The following TELO2 variants were observed in gnomAD, a reference collection of about 807,000 sequenced individuals.
TELO2 encodes the protein telomere maintenance 2.
In TELO2, 71 loss-of-function variants were observed where a neutral mutation model predicts 91.0. The ratio of observed to expected loss-of-function variants is 0.78; its 90% confidence interval spans 0.64 to 0.95. The LOEUF (loss-of-function observed/expected upper bound fraction) is 0.95. Among genes scored for constraint, TELO2 ranks in the 40% least tolerant of loss-of-function variants. The pLI, the probability that TELO2 is intolerant of heterozygous loss-of-function variation, is 0.00. For synonymous variants in TELO2, 584 were observed against 518.9 expected (o/e 1.13, Z -1.71); for missense variants, 1,183 against 1,141.3 (o/e 1.04, Z -0.53).
chr16:1,502,523 C>G, intron 13 of TELO2, 119 bp downstream of exon 13: 1 of 1,503,574 alleles, frequency 6.7e-7, no homozygotes, highest in South Asian at 1.2e-5. Flanking sequence ...TGCTGCCTCT[C>G]CCGGGGGGCC....
In TELO2 at chr16:1,494,590, G is replaced by A; in HGVS notation, c.309G>A (p.Leu103=). 6.2e-7 allele frequency: 1 copy of A among 1,613,368 alleles called. No homozygotes were observed. Among genetic ancestry groups the A allele is most frequent in the Non-Finnish European group, 8.5e-7 (1 of 1,179,810 alleles). ...CGGCGGACCAAGCCTTCCTGGTGTT[G>A]ATGGAGACCATCGAGGGTGCTGCGG... ...EGPADQAFLV[L]METIEGAAGP... Residue 103 remains leucine (L), a synonymous_variant, in exon 2 of 21, where the codon TTG becomes TTA. Coordinates refer to ENST00000262319, the MANE Select transcript of TELO2 (RefSeq NM_016111.4). This position sits in a 1 kb window ranked among gnomAD's most constrained non-coding sequence, Gnocchi z 5.6.
chr16:1,500,324 G>A (rs1479829161), intron 7 of TELO2, 23 bp from the exon 8 acceptor site: 1 of 1,565,692 alleles, frequency 6.4e-7, no homozygotes, highest in East Asian at 2.3e-5. Flanking sequence ...GCCCCACACA[G>A]TCGTGGGCCA....
At chr16:1,508,245 G>A (rs1017015659) in intron 20 of TELO2, among the ~76,000 whole-genome samples, 5 of 152,166 alleles carry the variant, frequency 3.3e-5, no homozygotes, top group South Asian at 2.1e-4. Context: ...CAATTCTCCC[G>A]CCTCAGCCTC....
intron 2 of TELO2, among the ~76,000 whole-genome samples, chr16:1,495,111 T>C (rs535694949): frequency 6.6e-6 from 1 of 152,260 alleles, no homozygotes; most frequent in East Asian, 1.9e-4. Flanking sequence ...GGGAGGGGTG[T>C]CCAGTGAGAC....
intron 20 of TELO2, 27 bp downstream of exon 20, chr16:1,507,743 T>A: frequency 1.9e-6 from 3 of 1,582,936 alleles, no homozygotes; most frequent in Non-Finnish European, 2.6e-6. Context: ...GGTGTGTGTG[T>A]GAGATGTGTG....
At chr16:1,508,436 C>T (rs915585849) in intron 20 of TELO2, among the ~76,000 whole-genome samples, 2 of 152,234 alleles carry the variant, frequency 1.3e-5, no homozygotes, top group African/African-American at 4.8e-5. Flanking sequence ...CGGCCAGTCC[C>T]AGCACCTTTT....
intron 20 of TELO2, 68 bp downstream of exon 20, chr16:1,507,784 G>T: frequency 1.5e-6 from 2 of 1,294,692 alleles, no homozygotes; most frequent in Non-Finnish European, 2.1e-6. Flanking sequence ...ATGTGTGTGT[G>T]TGTGTGTGAG....
In TELO2 at chr16:1,504,429, A is replaced by G. The variant is rs1471434405; in HGVS notation, c.1843-981A>G. ...AGACTGGGCGACAGAGCGAGACTCC[A>G]TCTCAAAAAAAAAAAAAAAAAAAAA... is the stretch of plus-strand genomic sequence containing the variant. On this transcript the variant is annotated intron_variant, in intron 15 of 20. Coordinates refer to ENST00000262319, the MANE Select transcript of TELO2 (RefSeq NM_016111.4). Among the ~76,000 whole-genome samples the G allele has an allele frequency of 9.7e-5, 8 of 82,404 alleles. No homozygotes were observed. In the South Asian group the frequency reaches 3.4e-3, roughly 35 times the overall value. 54.1% of individuals were successfully genotyped at this position (82,404 alleles called of 152,430 possible).
chr16:1,509,796 T>C, intron 20 of TELO2, 34 bp from the exon 21 acceptor site: 2 of 1,582,316 alleles, frequency 1.3e-6, no homozygotes, highest in Non-Finnish European at 1.7e-6. Flanking sequence ...CCCTCCACGC[T>C]GCCTCAGCTT....
chr16:1,503,756 C>CA (rs1240162081), intron 15 of TELO2, among the ~76,000 whole-genome samples: 1 of 152,224 alleles, frequency 6.6e-6, no homozygotes, highest in Admixed American at 6.5e-5. Flanking sequence ...CTTGGGAAGG[C>CA]AAAAGAGTTC....
At chr16:1,502,017 G>T (rs1387991632) in intron 11 of TELO2, 30 bp from the exon 12 acceptor site, 1 of 1,612,906 alleles carries the variant, frequency 6.2e-7, no homozygotes, top group South Asian at 1.1e-5. Context: ...CAGGCCATGG[G>T]CTGCTCATGT....
At chr16:1,495,917 G>A (rs2039474789) in intron 3 of TELO2, among the ~76,000 whole-genome samples, 1 of 152,220 alleles carries the variant, frequency 6.6e-6, no homozygotes, top group Non-Finnish European at 1.5e-5. Context: ...AGGTCTGGAG[G>A]CAGACGCTGG....
At chr16:1,507,989 C>G (rs902409107) in intron 20 of TELO2, among the ~76,000 whole-genome samples, 1 of 151,886 alleles carries the variant, frequency 6.6e-6, no homozygotes, top group Admixed American at 6.6e-5. Context: ...CCCACACAGG[C>G]AGAGTGTGCA....
rs907336015 is a variant in TELO2 at position 1,500,161 on chromosome 16, G to A, written c.999G>A (p.Leu333=). The change falls in exon 7 of 21, where the codon CTG becomes CTA. Residue 333 remains leucine, a synonymous_variant. Coordinates refer to ENST00000262319, the MANE Select transcript of TELO2 (RefSeq NM_016111.4). ...ACAGCCAGCGGCGCCCGCTCCTGCT[G>A]CAGGTACGTGCCTCCTGGCTCTCCG... ...AMDSQRRPLL[L]QVLKELLETW... is the part of the protein sequence containing the mutation. The A allele has an allele frequency of 2.6e-5, 41 of 1,603,138 alleles. No individual in the cohort carries two copies. Among genetic ancestry groups the A allele is most frequent in the Non-Finnish European group, 3.4e-5 (40 of 1,178,246 alleles).
rs769977740 is a variant in TELO2 at position 1,494,568 on chromosome 16, C to A, written c.287C>A (p.Ala96Glu). 1.2e-6 allele frequency: 2 copies of A among 1,613,468 alleles called. No homozygotes were observed. The highest frequency in any genetic ancestry group is 1.1e-5 in the South Asian group (1 of 91,066). ...GCCAGCTTCTTCCTGGAGGGCCCGG[C>A]GGACCAAGCCTTCCTGGTGTTGATG... ...LWASFFLEGP[A>E]DQAFLVLMET... Residue 96 changes from alanine to glutamate, a missense_variant, in exon 2 of 21, where the codon GCG becomes GAG. By Grantham distance (107) the Ala-to-Glu change is moderately radical. Coordinates refer to ENST00000262319, the MANE Select transcript of TELO2 (RefSeq NM_016111.4). This position sits in a 1 kb window ranked among gnomAD's most constrained non-coding sequence, Gnocchi z 5.6.
Position 1,502,697 on chromosome 16 carries a change from T to C in TELO2, c.1706T>C (p.Val569Ala), listed in dbSNP as rs1348673734. 6.2e-7 allele frequency: 1 copy of C among 1,612,730 alleles called. No individual in the cohort carries two copies. The highest frequency in any genetic ancestry group is 1.7e-5 in the Admixed American group (1 of 60,022). Residue 569 changes from valine (V) to alanine (A), a missense_variant, in exon 14 of 21, where the codon GTG (valine) becomes GCG (alanine). Coordinates refer to ENST00000262319, the MANE Select transcript of TELO2 (RefSeq NM_016111.4). Reference sequence around the variant, plus strand: ...CTGCATCTGGAGGAGAAGACCTGTGTGGTGGGATTTGCAGGGCTGCGCCAG... The same window carrying C: ...CTGCATCTGGAGGAGAAGACCTGTGCGGTGGGATTTGCAGGGCTGCGCCAG... ...VLLHLEEKTCVVGFAGLRQRA... is the reference protein window; with the variant it reads ...VLLHLEEKTCAVGFAGLRQRA...
intron 20 of TELO2, among the ~76,000 whole-genome samples, chr16:1,509,427 T>C (rs1177401857): frequency 5.3e-5 from 8 of 152,132 alleles, no homozygotes; most frequent in African/African-American, 1.7e-4. Flanking sequence ...CAGTGTGCGG[T>C]CCCAGACACC....
Position 1,505,580 on chromosome 16 carries a change from CA to C in TELO2, c.2015del (p.Lys672ArgfsTer41). On this transcript the variant is annotated frameshift_variant, in exon 16 of 21. Transcript: ENST00000262319. LOFTEE classifies it high-confidence loss of function. This position sits in a 1 kb window ranked among gnomAD's most constrained non-coding sequence, Gnocchi z 4.3. ...TGGTGGTGGAGGAGCGGATCAGAAG[CA>C]AGACCCAGCGGCTCTCCAAGGTTAG... The part of the protein sequence containing the change: ...RVVVEERIRS[K>X]TQRLSKGGPR... 6.4e-7 allele frequency: 1 copy of C among 1,564,834 alleles called. No individual in the cohort carries two copies. The highest frequency in any genetic ancestry group is 8.7e-7 in the Non-Finnish European group (1 of 1,150,102).
chr16:1,503,019 C>T lies in TELO2; in HGVS notation c.1842+17C>T. 6.2e-7 allele frequency: 1 copy of T among 1,608,000 alleles called. No individual in the cohort carries two copies. The highest frequency in any genetic ancestry group is 1.7e-5 in the Admixed American group (1 of 60,022). On this transcript the variant is annotated intron_variant, in intron 15 of 20. Coordinates refer to ENST00000262319, the MANE Select transcript of TELO2 (RefSeq NM_016111.4). ...ATCCTGGATGTAAGTGCCTCCTGGG[C>T]CTCAGTCCCCCTGGTCTGGCCCAAG...
Sources: gnomAD v4.1 joint callset for allele counts (sites outside exome capture counted in the v4.1 genomes callset) on GRCh38, gnomAD v4.1.1 for gene constraint, Gnocchi (gnomAD v3.1) non-coding constraint, MANE v1.5 for transcripts, NCBI Gene and HGNC (gene_info 2026-07-23, HGNC 2026-07-21) for gene names.